The following MRPS35 variants were observed in gnomAD, a reference collection of about 807,000 sequenced individuals.
MRPS35 encodes the protein small ribosomal subunit protein mS35.
A neutral mutation model predicts 32.7 loss-of-function variants in MRPS35; 29 were observed. The ratio of observed to expected loss-of-function variants is 0.89; its 90% CI spans 0.66 to 1.21. MRPS35 has a LOEUF of 1.21. Among genes scored for constraint, MRPS35 ranks in the 50% most tolerant of loss-of-function variants. The probability of loss-of-function intolerance (pLI) is 0.00; values close to 1 mark genes in which losing one functional copy is unlikely to be tolerated. For synonymous variants in MRPS35, 148 were observed against 139.3 expected, an observed-to-expected ratio of 1.06 and a Z score of -0.44; for missense variants, 373 against 383.8, an observed-to-expected ratio of 0.97 and a Z score of 0.23.
chr12:27,744,240 T>C (rs1285478178), intron 7 of MRPS35, among the ~76,000 whole-genome samples: 1 of 152,148 alleles, frequency 6.6e-6, no homozygotes. Flanking sequence ...ATCTGACCTA[T>C]TGTAGTTTGT....
intron 7 of MRPS35, 50 bp from the exon 8 acceptor site, chr12:27,755,131 A>C (rs372694092): frequency 1.4e-6 from 2 of 1,455,486 alleles, no homozygotes; most frequent in African/African-American, 1.4e-5. Flanking sequence ...CAAACATTTG[A>C]TATTTCTCAG....
At chr12:27,738,829 C>CT (rs1221774268) in intron 7 of MRPS35, among the ~76,000 whole-genome samples, 1 of 150,810 alleles carries the variant, frequency 6.6e-6, no homozygotes, top group East Asian at 1.9e-4. Context: ...TGGAAGAGGG[C>CT]TTACATTTGT....
At chr12:27,741,265 A>T (rs577683053) in intron 7 of MRPS35, among the ~76,000 whole-genome samples, 4 of 152,292 alleles carry the variant, frequency 2.6e-5, no homozygotes, top group Non-Finnish European at 5.9e-5. Context: ...ATTGGAATGA[A>T]TTTTTAACCT....
At chr12:27,752,915 C>T (rs1394942367) in intron 7 of MRPS35, 1 of 152,156 alleles carries the variant, frequency 6.6e-6, no homozygotes, top group Non-Finnish European at 1.5e-5. Context: ...TGATTGTTCA[C>T]AGTCAGTTTC....
chr12:27,727,577 C>T (rs1317111932), intron 5 of MRPS35, among the ~76,000 whole-genome samples: 1 of 152,064 alleles, frequency 6.6e-6, no homozygotes, highest in Non-Finnish European at 1.5e-5. Context: ...ACAAAATCAC[C>T]TAGCCATGTC....
intron 7 of MRPS35, among the ~76,000 whole-genome samples, chr12:27,740,303 T>G (rs1280577678): frequency 6.6e-6 from 1 of 151,920 alleles, no homozygotes; most frequent in Non-Finnish European, 1.5e-5. Flanking sequence ...GGTCTTGCTT[T>G]GTTGTCCAGG....
chr12:27,725,246 G>A (rs1489148230), intron 5 of MRPS35, among the ~76,000 whole-genome samples: 5 of 152,258 alleles, frequency 3.3e-5, no homozygotes, highest in East Asian at 3.9e-4. Flanking sequence ...ATAGAATAAC[G>A]TATAAATGAG....
At chr12:27,740,941 C>G (rs1420078992) in intron 7 of MRPS35, among the ~76,000 whole-genome samples, 1 of 151,892 alleles carries the variant, frequency 6.6e-6, no homozygotes, top group African/African-American at 2.4e-5. Flanking sequence ...CAAAGGCAGG[C>G]GGATTGCCCG....
intron 3 of MRPS35, among the ~76,000 whole-genome samples, chr12:27,717,484 C>T (rs943055410): frequency 1.3e-5 from 2 of 152,100 alleles, no homozygotes; most frequent in African/African-American, 4.8e-5. Context: ...TAGATGGTTT[C>T]TTAAATACAA....
At chr12:27,754,344 ATAAT>A (rs570179523) in intron 7 of MRPS35, among the ~76,000 whole-genome samples, 2 of 152,192 alleles carry the variant, frequency 1.3e-5, no homozygotes. Context: ...TTTTATTTTA[ATAAT>A]TAATTAGTCT....
At chr12:27,742,360 A>G (rs2061967000) in intron 7 of MRPS35, among the ~76,000 whole-genome samples, 1 of 152,212 alleles carries the variant, frequency 6.6e-6, no homozygotes, top group African/African-American at 2.4e-5. Context: ...ATATGTTGCT[A>G]GGTGCCACTA....
intron 5 of MRPS35, among the ~76,000 whole-genome samples, chr12:27,732,540 G>A (rs1209741974): frequency 2.0e-5 from 3 of 152,150 alleles, no homozygotes; most frequent in East Asian, 1.9e-4. Flanking sequence ...AAGGGTAAAC[G>A]TAGGTCAAAC....
At chr12:27,735,937 A>G (rs1032000008) in intron 6 of MRPS35, among the ~76,000 whole-genome samples, 18 of 152,234 alleles carry the variant, frequency 1.2e-4, no homozygotes, top group African/African-American at 4.3e-4. Context: ...TGATCTATGG[A>G]TCTATTTGGA....
intron 1 of MRPS35, among the ~76,000 whole-genome samples, chr12:27,714,572 C>T (rs920106603): frequency 1.4e-5 from 2 of 145,074 alleles, no homozygotes; most frequent in South Asian, 2.2e-4. Context: ...GGTGATACGC[C>T]GAGACTCCCT....
Position 27,716,317 on chromosome 12 carries a change from G to A in MRPS35, c.180G>A (p.Met60Ile). ...RKALPPRTEK[M>I]AVDQDWPSVY... ...CACTACCTCCTAGGACAGAGAAAATGGCTGTTGACCAGGACTGGCCTAGTG... is the reference window on the plus strand; with the variant it reads ...CACTACCTCCTAGGACAGAGAAAATAGCTGTTGACCAGGACTGGCCTAGTG... Residue 60 changes from methionine (M) to isoleucine (I), a missense_variant, in exon 3 of 8, where the codon ATG (methionine) becomes ATA (isoleucine). Physicochemically the swap from Met to Ile is conservative, Grantham distance 10. Transcript: ENST00000081029. The A allele has an allele frequency of 6.2e-7, 1 of 1,611,352 alleles. No individual in the cohort carries two copies. Among genetic ancestry groups the A allele is most frequent in the Middle Eastern group, 1.7e-4 (1 of 6,056 alleles).
chr12:27,720,750 A>G (rs1209006296), intron 4 of MRPS35, among the ~76,000 whole-genome samples: 1 of 151,808 alleles, frequency 6.6e-6, no homozygotes, highest in Non-Finnish European at 1.5e-5. Context: ...TTCTGGATTT[A>G]TTGATTTTGA....
intron 7 of MRPS35, among the ~76,000 whole-genome samples, chr12:27,754,084 A>G (rs1241843460): frequency 2.0e-5 from 3 of 151,930 alleles, no homozygotes; most frequent in African/African-American, 7.3e-5. Flanking sequence ...TGAAACTCCA[A>G]CTCTACTAAA....
intron 3 of MRPS35, among the ~76,000 whole-genome samples, chr12:27,719,289 A>C (rs529059325): frequency 2.6e-5 from 4 of 152,226 alleles, no homozygotes; most frequent in Non-Finnish European, 5.9e-5. Flanking sequence ...TCCAGGTATC[A>C]CTGTAAATTA....
chr12:27,725,898 C>T (rs555249643), intron 5 of MRPS35, among the ~76,000 whole-genome samples: 29 of 147,108 alleles, frequency 2.0e-4, no homozygotes, highest in East Asian at 1.0e-3. Flanking sequence ...CTCTTCCATC[C>T]GGGCTCAAGT....
Sources: gnomAD v4.1 joint callset for allele counts (sites outside exome capture counted in the v4.1 genomes callset) on GRCh38, gnomAD v4.1.1 for gene constraint, MANE v1.5 for transcripts, NCBI Gene and HGNC (gene_info 2026-07-23, HGNC 2026-07-21) for gene names.